CMIP: variants seen among roughly 807,000 people sequenced by gnomAD.
The protein encoded by CMIP is C-Maf-inducing protein.
A neutral mutation model predicts 97.3 loss-of-function variants in CMIP; 13 were observed. The ratio of observed to expected loss-of-function variants is 0.13; its 90% CI spans 0.09 to 0.21. The LOEUF (loss-of-function observed/expected upper bound fraction) is 0.21. CMIP is among the 10% of genes least tolerant of loss of function. CMIP has a pLI of 1.00. For missense variants in CMIP, 847 were observed against 1,024.9 expected (o/e 0.83, Z 2.37); for synonymous variants, 538 against 436.3 (o/e 1.23, Z -2.91).
intron 1 of CMIP, among the ~76,000 whole-genome samples, chr16:81,452,811 C>G (rs1484404533): frequency 6.6e-6 from 1 of 151,290 alleles, no homozygotes; most frequent in Non-Finnish European, 1.5e-5. Flanking sequence ...GACACACAGG[C>G]AGCTCCTTGC....
At chr16:81,618,741 C>T (rs1373540154) in intron 2 of CMIP, 1 of 152,252 alleles carries the variant, frequency 6.6e-6, no homozygotes, top group Non-Finnish European at 1.5e-5. Flanking sequence ...CTTGTTGTTC[C>T]AGAGAGCCTG....
rs147345048 is a variant in CMIP at position 81,539,473 on chromosome 16, G to C, written c.301-68094G>C. Among the ~76,000 whole-genome samples, 296 of 152,316 alleles carry C rather than the reference G, an allele frequency of 1.9e-3. 1 individual carries two copies. Among genetic ancestry groups the C allele is most frequent in the African/African-American group, 6.6e-3 (275 of 41,558 alleles). The stretch of plus-strand genomic sequence containing the variant: ...AATCATTGTTTTCTGCTGGGAGTGA[G>C]AGAAGGGCACTCCACATCTCTGCTC... On this transcript the variant is annotated intron_variant, in intron 1 of 20. Coordinates refer to ENST00000537098, the MANE Select transcript of CMIP (RefSeq NM_198390.3).
At chr16:81,512,980 G>A (rs988163775) in intron 1 of CMIP, among the ~76,000 whole-genome samples, 9 of 152,114 alleles carry the variant, frequency 5.9e-5, no homozygotes, top group South Asian at 2.1e-4. Flanking sequence ...CAAGCAATCC[G>A]CCCTCCTCAG....
intron 1 of CMIP, among the ~76,000 whole-genome samples, chr16:81,508,029 T>A (rs563476247): frequency 6.6e-6 from 1 of 152,342 alleles, no homozygotes; most frequent in South Asian, 2.1e-4. Context: ...CACCCATGCT[T>A]AACGGAGGAA....
At chr16:81,494,612 A>T (rs1376607699) in intron 1 of CMIP, among the ~76,000 whole-genome samples, 4 of 152,136 alleles carry the variant, frequency 2.6e-5, no homozygotes, top group African/African-American at 7.2e-5. Context: ...ACCTGTGGGC[A>T]TGGGGGACCC....
rs561324074 is a variant in CMIP, at chr16:81,453,470, G to C, written c.300+7929G>C. On this transcript the variant is annotated intron_variant, in intron 1 of 20. Coordinates refer to ENST00000537098, the MANE Select transcript of CMIP (RefSeq NM_198390.3). This position sits in a 1 kb window ranked among gnomAD's most constrained non-coding sequence, Gnocchi z 4.0. Reference sequence around the variant, plus strand: ...CTCTGGGTGTCCTGGGCCAGTGCCAGTTTCCTTAGAGGTCCAGGATATCTG... The same window carrying C: ...CTCTGGGTGTCCTGGGCCAGTGCCACTTTCCTTAGAGGTCCAGGATATCTG... Among the ~76,000 whole-genome samples the C allele has an allele frequency of 2.0e-5, 3 of 152,324 alleles. No individual in the cohort carries two copies. Among genetic ancestry groups the C allele is most frequent in the Admixed American group, 6.5e-5 (1 of 15,298 alleles).
chr16:81,651,770 T>G (rs1177310026), intron 3 of CMIP, among the ~76,000 whole-genome samples: 1 of 152,130 alleles, frequency 6.6e-6, no homozygotes, highest in Non-Finnish European at 1.5e-5. Flanking sequence ...GGAGACAGTA[T>G]AGTATGGTGG....
At chr16:81,575,083 T>C (rs1489198795) in intron 1 of CMIP, among the ~76,000 whole-genome samples, 1 of 152,220 alleles carries the variant, frequency 6.6e-6, no homozygotes, top group Non-Finnish European at 1.5e-5. Flanking sequence ...CCTCGTAATA[T>C]AATAACTGAG....
At chr16:81,455,012 G>A (rs374363176) in intron 1 of CMIP, among the ~76,000 whole-genome samples, 6 of 152,206 alleles carry the variant, frequency 3.9e-5, no homozygotes, top group Non-Finnish European at 5.9e-5. Flanking sequence ...ACCGTAAGAC[G>A]GCATAGGAAT....
intron 1 of CMIP, among the ~76,000 whole-genome samples, chr16:81,467,392 C>A (rs183048231): frequency 9.0e-4 from 137 of 152,264 alleles, no homozygotes; most frequent in African/African-American, 3.2e-3. Flanking sequence ...TGCCTCTCCC[C>A]CTCTGTGAGG....
chr16:81,446,811 A>G (rs2150724703), intron 1 of CMIP, among the ~76,000 whole-genome samples: 1 of 152,190 alleles, frequency 6.6e-6, no homozygotes, highest in African/African-American at 2.4e-5. Context: ...GAGGGGGGAA[A>G]AGTTAGCTGA....
chr16:81,691,756 T>A lies in CMIP; in HGVS notation c.1389-19T>A. 1 of 1,612,010 alleles carries A rather than the reference T, an allele frequency of 6.2e-7. No homozygotes were observed. The highest frequency in any genetic ancestry group is 1.1e-5 in the South Asian group (1 of 90,864). ...TCCTTGTCCCAACCAAAGCTGACTG[T>A]CACCCTCTCTCATTCTAGGTCAGAC... On this transcript the variant is annotated intron_variant, in intron 10 of 20. Transcript: ENST00000537098.
chr16:81,559,989 A>G (rs1413225632), intron 1 of CMIP, among the ~76,000 whole-genome samples: 3 of 151,718 alleles, frequency 2.0e-5, no homozygotes, highest in African/African-American at 7.3e-5. Flanking sequence ...GTCTACCAAA[A>G]ATACAAAAAT....
At chr16:81,506,071 G>A (rs1439123716) in intron 1 of CMIP, among the ~76,000 whole-genome samples, 1 of 152,208 alleles carries the variant, frequency 6.6e-6, no homozygotes, top group Non-Finnish European at 1.5e-5. Flanking sequence ...TCACATTGCT[G>A]AGCAGTTTAC....
intron 1 of CMIP, among the ~76,000 whole-genome samples, chr16:81,482,940 G>A (rs190151597): frequency 1.3e-5 from 2 of 152,364 alleles, no homozygotes; most frequent in South Asian, 2.1e-4. Context: ...TGGCGGTGGC[G>A]CGTCCACTGT....
chr16:81,608,019 T>C (rs921833886), intron 2 of CMIP, among the ~76,000 whole-genome samples: 1 of 152,202 alleles, frequency 6.6e-6, no homozygotes, highest in Non-Finnish European at 1.5e-5. Flanking sequence ...ACAGGTGAGT[T>C]GTTAGGCCCA....
chr16:81,456,526 GC>G (rs1906557601), intron 1 of CMIP, among the ~76,000 whole-genome samples: 1 of 152,186 alleles, frequency 6.6e-6, no homozygotes, highest in African/African-American at 2.4e-5. Context: ...CCTGTTTTAT[GC>G]CAGACACTAC....
intron 1 of CMIP, among the ~76,000 whole-genome samples, chr16:81,482,134 C>T (rs1005736721): frequency 6.6e-6 from 1 of 152,162 alleles, no homozygotes; most frequent in African/African-American, 2.4e-5. Context: ...CCTCCTTGGC[C>T]TCCCAAAGTG....
At chr16:81,449,977 T>C (rs1487388950) in intron 1 of CMIP, among the ~76,000 whole-genome samples, 1 of 152,264 alleles carries the variant, frequency 6.6e-6, no homozygotes, top group Non-Finnish European at 1.5e-5. Context: ...GTGGCTGAGC[T>C]TTCCTGCAAG....
Sources: allele counts gnomAD v4.1 joint callset (sites outside exome capture counted in the v4.1 genomes callset), GRCh38; gene constraint gnomAD v4.1.1; non-coding constraint Gnocchi (gnomAD v3.1); transcripts MANE v1.5; gene names NCBI Gene and HGNC (gene_info 2026-07-23, HGNC 2026-07-21).